Variants in ADAM32 observed in about 807,000 individuals in gnomAD.
The protein encoded by ADAM32 is disintegrin and metalloproteinase domain-containing protein 32.
ADAM32 carries 89 observed loss-of-function variants against 114.9 expected under a neutral mutation model. The ratio of observed to expected loss-of-function variants is 0.77; its 90% confidence interval spans 0.65 to 0.92. The LOEUF is 0.92. ADAM32 is among the 40% of genes least tolerant of loss of function. ADAM32 has a pLI of 0.00. For missense variants in ADAM32, 870 were observed against 932.8 expected (o/e 0.93, Z 0.88); for synonymous variants, 285 against 307.5 (o/e 0.93, Z 0.77).
At position 39,199,628 on chromosome 8, in the gene ADAM32, T is replaced by C. The variant is rs375875266; in HGVS notation, c.1053-11516T>C. Among the ~76,000 whole-genome samples, 30 of 152,330 alleles carry C rather than the reference T, an allele frequency of 2.0e-4. No individual in the cohort carries two copies. In the East Asian group the frequency reaches 3.9e-3, roughly 20 times the overall value. ...TTTCCTGATTTCTTTTTTTTTAACT[T>C]TTTAAAATTATACCTTAAGTTCTAG... On this transcript the variant is annotated intron_variant, in intron 11 of 24. Coordinates refer to ENST00000379907, the MANE Select transcript of ADAM32 (RefSeq NM_145004.7).
At chr8:39,264,178 G>T (rs1041142686) in intron 19 of ADAM32, among the ~76,000 whole-genome samples, 10 of 152,112 alleles carry the variant, frequency 6.6e-5, no homozygotes, top group Non-Finnish European at 1.3e-4. Context: ...GGGTTAAATT[G>T]TGTGTCACTG....
At chr8:39,166,774 T>C (rs1269674228) in intron 9 of ADAM32, 1 of 152,210 alleles carries the variant, frequency 6.6e-6, no homozygotes, top group African/African-American at 2.4e-5. Context: ...TTGATTTGCA[T>C]TTCCCTGCTC....
At chr8:39,132,629 G>A (rs2129444871) in intron 2 of ADAM32, among the ~76,000 whole-genome samples, 1 of 152,190 alleles carries the variant, frequency 6.6e-6, no homozygotes, top group East Asian at 1.9e-4. Flanking sequence ...TGCTTTTTGA[G>A]TTACCATCTG....
intron 12 of ADAM32, among the ~76,000 whole-genome samples, chr8:39,214,555 G>A (rs1345096308): frequency 1.3e-5 from 2 of 151,990 alleles, no homozygotes; most frequent in Admixed American, 6.6e-5. Context: ...TTCCTATAGA[G>A]TTGTTTGAGC....
At chr8:39,201,036 A>C (rs1257391829) in intron 11 of ADAM32, among the ~76,000 whole-genome samples, 1 of 152,158 alleles carries the variant, frequency 6.6e-6, no homozygotes, top group African/African-American at 2.4e-5. Context: ...GCCTTGTAAT[A>C]TAGTTTGAAG....
intron 11 of ADAM32, among the ~76,000 whole-genome samples, chr8:39,201,882 T>A (rs1319539906): frequency 6.6e-6 from 1 of 152,240 alleles, no homozygotes; most frequent in East Asian, 1.9e-4. Context: ...TCTATTGAGA[T>A]AACCATGTGG....
At chr8:39,136,283 A>C (rs1802797803) in intron 2 of ADAM32, among the ~76,000 whole-genome samples, 1 of 152,210 alleles carries the variant, frequency 6.6e-6, no homozygotes, top group Non-Finnish European at 1.5e-5. Context: ...TGGTTAAATA[A>C]TTTTTATGGT....
intron 10 of ADAM32, among the ~76,000 whole-genome samples, chr8:39,174,706 T>C (rs1192275860): frequency 1.2e-4 from 16 of 135,664 alleles, no homozygotes; most frequent in Admixed American, 1.1e-3. Context: ...TTTTTTTTTC[T>C]AATTCTGTGA....
chr8:39,127,831 C>T (rs998109257), intron 2 of ADAM32, among the ~76,000 whole-genome samples: 3 of 152,206 alleles, frequency 2.0e-5, no homozygotes, highest in Middle Eastern at 3.4e-3. Flanking sequence ...ATAAATCTCC[C>T]TCTTAAAATT....
chr8:39,245,505 G>C (rs77647467), intron 16 of ADAM32, among the ~76,000 whole-genome samples: 7,823 of 151,638 alleles, frequency 0.052, 694 homozygotes, highest in African/African-American at 0.18. Flanking sequence ...CTGCAGCCTT[G>C]TTCCAATCTG....
At chr8:39,235,119 T>G (rs1162481038) in intron 16 of ADAM32, among the ~76,000 whole-genome samples, 3 of 152,036 alleles carry the variant, frequency 2.0e-5, no homozygotes, top group African/African-American at 7.2e-5. Flanking sequence ...TCTTTGGATA[T>G]ATGAAATAAA....
At chr8:39,137,982 A>C (rs1297746290) in intron 3 of ADAM32, among the ~76,000 whole-genome samples, 1 of 152,174 alleles carries the variant, frequency 6.6e-6, no homozygotes, top group Non-Finnish European at 1.5e-5. Context: ...AGTGTTGAGA[A>C]ATTGAGAGAC....
At chr8:39,211,492 G>A (rs1808218854) in intron 12 of ADAM32, among the ~76,000 whole-genome samples, 168 bp downstream of exon 12, 1 of 152,216 alleles carries the variant, frequency 6.6e-6, no homozygotes, top group Admixed American at 6.5e-5. Context: ...TTTGTAGGTT[G>A]AAGAATTTTG....
At chr8:39,130,356 A>C (rs1318342423) in intron 2 of ADAM32, among the ~76,000 whole-genome samples, 1 of 149,854 alleles carries the variant, frequency 6.7e-6, no homozygotes, top group Non-Finnish European at 1.5e-5. Context: ...TGTTTCATTG[A>C]TTTTCTTTGT....
At chr8:39,281,925 C>T (rs547023494) in intron 23 of ADAM32, among the ~76,000 whole-genome samples, 9 of 152,220 alleles carry the variant, frequency 5.9e-5, no homozygotes, top group African/African-American at 2.2e-4. Context: ...TACACCAAAA[C>T]ATTATATGGT....
At chr8:39,229,889 A>C (rs1809624956) in intron 14 of ADAM32, among the ~76,000 whole-genome samples, 1 of 152,184 alleles carries the variant, frequency 6.6e-6, no homozygotes, top group African/African-American at 2.4e-5. Flanking sequence ...GCTGCAGAAT[A>C]TACATTCTAT....
intron 19 of ADAM32, among the ~76,000 whole-genome samples, chr8:39,270,402 G>A (rs1199708300): frequency 1.3e-5 from 2 of 152,134 alleles, no homozygotes; most frequent in African/African-American, 4.8e-5. Flanking sequence ...TGGGTGAGAT[G>A]GCTCCTTCTG....
At chr8:39,255,284 G>A (rs1811579485) in intron 18 of ADAM32, among the ~76,000 whole-genome samples, 1 of 151,742 alleles carries the variant, frequency 6.6e-6, no homozygotes, top group Admixed American at 6.6e-5. Flanking sequence ...TCTACTTTTG[G>A]TTCTTCAAGA....
chr8:39,177,047 T>G (rs1447550391), intron 10 of ADAM32, among the ~76,000 whole-genome samples: 1 of 150,898 alleles, frequency 6.6e-6, no homozygotes, highest in Non-Finnish European at 1.5e-5. Context: ...TGGTAAATTT[T>G]TCTTCATCTC....
Sources: allele counts gnomAD v4.1 joint callset (sites outside exome capture counted in the v4.1 genomes callset), GRCh38; gene constraint gnomAD v4.1.1; transcripts MANE v1.5; gene names NCBI Gene and HGNC (gene_info 2026-07-23, HGNC 2026-07-21).